Variants in TICAM2 observed in about 807,000 individuals in gnomAD.
TICAM2 encodes TIR domain-containing adapter molecule 2.
Under a neutral mutation model 7.3 loss-of-function variants are expected in TICAM2, and 8 were observed. The observed-to-expected ratio is 1.10, with a 90% CI of 0.65 to 1.99. TICAM2 has a LOEUF of 1.99. Ranked by LOEUF, TICAM2 falls within the 30% of genes most tolerant of loss-of-function variation. The pLI, the probability that TICAM2 is intolerant of heterozygous loss-of-function variation, is 0.00. For missense variants in TICAM2, 304 were observed against 278.8 expected (o/e 1.09, Z -0.65); for synonymous variants, 113 against 99.6 (o/e 1.13, Z -0.80).
intron 1 of TICAM2, among the ~76,000 whole-genome samples, chr5:115,583,664 A>G (rs1580406126): frequency 6.6e-6 from 1 of 152,206 alleles, no homozygotes; most frequent in East Asian, 1.9e-4. Context: ...TGACTCAGAC[A>G]TGGAGAGATG....
intron 1 of TICAM2, among the ~76,000 whole-genome samples, chr5:115,593,964 GTTGA>G (rs1291410517): frequency 1.3e-5 from 2 of 152,088 alleles, no homozygotes; most frequent in South Asian, 2.1e-4. Flanking sequence ...TGATTACATG[GTTGA>G]TTGTTTTTTT....
At chr5:115,599,539 G>C (rs974027187) in intron 1 of TICAM2, among the ~76,000 whole-genome samples, 1 of 152,174 alleles carries the variant, frequency 6.6e-6, no homozygotes, top group African/African-American at 2.4e-5. Flanking sequence ...ATGTTTTAAA[G>C]GTTCCATAAG....
chr5:115,595,783 C>T (rs974549491), intron 1 of TICAM2, among the ~76,000 whole-genome samples: 2 of 152,136 alleles, frequency 1.3e-5, no homozygotes, highest in African/African-American at 4.8e-5. Context: ...ATGTTGTTGC[C>T]TCCATGCTCC....
chr5:115,587,253 G>A (rs945539032), intron 1 of TICAM2, among the ~76,000 whole-genome samples: 1 of 152,192 alleles, frequency 6.6e-6, no homozygotes, highest in African/African-American at 2.4e-5. Context: ...AAATGCGAGT[G>A]ATCTGATCTG....
chr5:115,583,803 C>T (rs188466814), intron 1 of TICAM2, among the ~76,000 whole-genome samples: 16 of 152,266 alleles, frequency 1.1e-4, no homozygotes, highest in Admixed American at 2.6e-4. Flanking sequence ...AAAGGCATGG[C>T]GTGGTGAAGG....
At chr5:115,588,913 T>G (rs1242734922) in intron 1 of TICAM2, among the ~76,000 whole-genome samples, 3 of 152,146 alleles carry the variant, frequency 2.0e-5, no homozygotes, top group Non-Finnish European at 4.4e-5. Context: ...CTTTGAGAGG[T>G]GTTTCTAGAA....
rs779730348 is a variant in TICAM2 at position 115,580,954 on chromosome 5, T to C, written c.303A>G (p.Gln101=). 1 of 1,613,540 alleles carries C rather than the reference T, an allele frequency of 6.2e-7. No individual in the cohort carries two copies. Among genetic ancestry groups the C allele is most frequent in the South Asian group, 1.1e-5 (1 of 90,992 alleles). ...DEALRVQNLL[Q]DDFGIKPGII... is the part of the protein sequence containing the mutation. ...TTCCGGGTTTGATACCAAAGTCATC[T>C]TGTAGCAGATTCTGGACTCTGAGGG... The change falls in exon 2 of 2, where the codon CAA becomes CAG. Residue 101 remains glutamine, a synonymous_variant. Coordinates refer to ENST00000427199, the MANE Select transcript of TICAM2 (RefSeq NM_021649.7).
rs1277270450 is a variant in TICAM2 at position 115,578,961 on chromosome 5, T to C, written c.*1588A>G. 2.6e-5 allele frequency: 4 copies of C among 152,626 alleles called. No individual in the cohort carries two copies. Among genetic ancestry groups the C allele is most frequent in the African/African-American group, 4.8e-5 (2 of 41,446 alleles). The allele number at this position is 152,626 out of a possible 1,614,324, so 9.5% of individuals were successfully genotyped here. A position where few individuals can be genotyped will look rare whatever the true frequency, so the allele number is the denominator to read the frequency against. ...CATAGAACGTTTTGGTTCATGGCTA[T>C]GAAGAGGTAACTGCAAAAAGATGTG... On this transcript the variant is annotated 3_prime_UTR_variant, in exon 2 of 2. Transcript: ENST00000427199.
chr5:115,594,447 C>G (rs767914707), intron 1 of TICAM2, among the ~76,000 whole-genome samples: 1 of 152,230 alleles, frequency 6.6e-6, no homozygotes, highest in African/African-American at 2.4e-5. Context: ...TGTGTTTAAA[C>G]GCCAAATAGC....
At chr5:115,600,760 A>G (rs764953222) in intron 1 of TICAM2, among the ~76,000 whole-genome samples, 1 of 152,188 alleles carries the variant, frequency 6.6e-6, no homozygotes, top group Non-Finnish European at 1.5e-5. Flanking sequence ...GGGGGTAGGA[A>G]GAAACAGGGA....
At chr5:115,595,057 A>T (rs920351885) in intron 1 of TICAM2, among the ~76,000 whole-genome samples, 6 of 152,324 alleles carry the variant, frequency 3.9e-5, no homozygotes, top group African/African-American at 1.4e-4. Context: ...CACAAGAACT[A>T]ATATGAGTGA....
At chr5:115,591,546 G>A (rs1391220698) in intron 1 of TICAM2, among the ~76,000 whole-genome samples, 1 of 152,130 alleles carries the variant, frequency 6.6e-6, no homozygotes, top group Non-Finnish European at 1.5e-5. Context: ...GAAAGATTGA[G>A]AATTTTGTCA....
At chr5:115,582,866 A>C (rs1754977330) in intron 1 of TICAM2, among the ~76,000 whole-genome samples, 1 of 113,962 alleles carries the variant, frequency 8.8e-6, no homozygotes, top group African/African-American at 4.2e-5. Flanking sequence ...CTGTCATGGG[A>C]ACAAAAACCA....
At chr5:115,599,346 G>A (rs1755629984) in intron 1 of TICAM2, among the ~76,000 whole-genome samples, 1 of 152,060 alleles carries the variant, frequency 6.6e-6, no homozygotes, top group Non-Finnish European at 1.5e-5. Context: ...TAGTGAACTG[G>A]ATATTTTTCT....
chr5:115,600,410 T>C (rs1277345506), intron 1 of TICAM2, among the ~76,000 whole-genome samples: 4 of 152,148 alleles, frequency 2.6e-5, no homozygotes, highest in South Asian at 2.1e-4. Flanking sequence ...CCAAGGAATA[T>C]GGCTTGGGAT....
At chr5:115,586,306 C>G (rs1054224734) in intron 1 of TICAM2, among the ~76,000 whole-genome samples, 2 of 151,658 alleles carry the variant, frequency 1.3e-5, no homozygotes, top group African/African-American at 4.8e-5. Context: ...AGTTGATGAT[C>G]TGTCTTTAGG....
In TICAM2 at chr5:115,579,797, T is replaced by C. The variant is rs759348683; in HGVS notation, c.*752A>G. 3 of 152,192 alleles carry C rather than the reference T, an allele frequency of 2.0e-5. No homozygotes were observed. The highest frequency in any genetic ancestry group is 4.4e-5 in the Non-Finnish European group (3 of 68,024). The allele number at this position is 152,192 out of a possible 1,614,324, so 9.4% of individuals were successfully genotyped here. ...GAATATCTGGCCACTCACACAGTTA[T>C]ACGCCTTTTAGAAGCTCTGCAAATA... On this transcript the variant is annotated 3_prime_UTR_variant, in exon 2 of 2. Transcript: ENST00000427199.
intron 1 of TICAM2, among the ~76,000 whole-genome samples, chr5:115,588,528 A>G (rs1304039136): frequency 2.0e-5 from 3 of 152,194 alleles, no homozygotes; most frequent in Non-Finnish European, 4.4e-5. Flanking sequence ...TGAAAAGAAG[A>G]GTGTCCATGA....
At chr5:115,582,147 TATTC>T (rs1191009003) in intron 1 of TICAM2, among the ~76,000 whole-genome samples, 6 of 151,952 alleles carry the variant, frequency 3.9e-5, no homozygotes, top group African/African-American at 1.5e-4. Flanking sequence ...GTTATTTATT[TATTC>T]ATTTATTTAT....
Sources: allele counts gnomAD v4.1 joint callset (sites outside exome capture counted in the v4.1 genomes callset), GRCh38; gene constraint gnomAD v4.1.1; transcripts MANE v1.5; gene names NCBI Gene and HGNC (gene_info 2026-07-23, HGNC 2026-07-21).